The following CCDC59 variants were observed in gnomAD, a reference collection of about 807,000 sequenced individuals.
The protein encoded by CCDC59 is thyroid transcription factor 1-associated protein 26.
A neutral mutation model predicts 30.5 loss-of-function variants in CCDC59; 27 were observed. The ratio of observed to expected loss-of-function variants is 0.89; its 90% confidence interval spans 0.65 to 1.22. The LOEUF (loss-of-function observed/expected upper bound fraction) is 1.22, where lower values mean the gene tolerates loss of function less well. Ranked by LOEUF, CCDC59 falls within the 50% of genes most tolerant of loss-of-function variation. The pLI, the probability that CCDC59 is intolerant of heterozygous loss-of-function variation, is 0.00. For synonymous variants in CCDC59, 125 were observed against 100.9 expected, an observed-to-expected ratio of 1.24 and a Z score of -1.43; for missense variants, 362 against 284.4, an observed-to-expected ratio of 1.27 and a Z score of -1.96.
At chr12:82,355,147 A>G (rs539368379) in intron 2 of CCDC59, 22 of 152,492 alleles carry the variant, frequency 1.4e-4, no homozygotes, top group African/African-American at 5.3e-4. Flanking sequence ...CTACAATATA[A>G]TATTTTAATA....
Position 82,352,319 on chromosome 12 carries a change from A to C in CCDC59, c.*832T>G, listed in dbSNP as rs535002533. 2.6e-5 allele frequency: 4 copies of C among 152,354 alleles called. No individual in the cohort carries two copies. The highest frequency in any genetic ancestry group is 4.1e-4 in the South Asian group (2 of 4,828). The allele number at this position is 152,354 out of a possible 1,614,324, so 9.4% of individuals were successfully genotyped here. ...CAGACTGTATTTGCTATCATTTATA[A>C]AATTTTATTATTCAATATTTGGCAA... On this transcript the variant is annotated 3_prime_UTR_variant, in exon 4 of 4. Transcript: ENST00000256151.
Position 82,357,219 on chromosome 12 carries a change from T to G in CCDC59, c.205A>C (p.Lys69Gln), listed in dbSNP as rs1169401938. 2.5e-6 allele frequency: 4 copies of G among 1,614,120 alleles called. No homozygotes were observed. Among genetic ancestry groups the G allele is most frequent in the Non-Finnish European group, 3.4e-6 (4 of 1,179,992 alleles). Residue 69 changes from lysine to glutamine, a missense_variant, in exon 2 of 4, where the codon AAA (lysine) becomes CAA (glutamine). Physicochemically the swap from Lys to Gln is moderately conservative, Grantham distance 53. Transcript: ENST00000256151. ...GCCTTCTTTTCCTTCCGTAGCAATT[T>G]CTTGTAACTTTGCTGTATTTTCAGT... Reference protein sequence around the residue: ...RKLKIQQSYKKLLRKEKKAQT... With the variant: ...RKLKIQQSYKQLLRKEKKAQT...
chr12:82,354,690 T>C (rs1880951313), intron 2 of CCDC59, 96 bp from the exon 3 acceptor site: 1 of 1,014,780 alleles, frequency 9.9e-7, no homozygotes, highest in Non-Finnish European at 1.3e-6. Flanking sequence ...ATATATTAAA[T>C]AAAAGGCACA....
intron 1 of CCDC59, 39 bp downstream of exon 1, chr12:82,358,183 GC>G: frequency 6.2e-7 from 1 of 1,612,318 alleles, no homozygotes; most frequent in Non-Finnish European, 8.5e-7. Flanking sequence ...CTAAAACTTA[GC>G]AAGCCTGAGG....
chr12:82,352,515 T>C lies in CCDC59; in HGVS notation c.*636A>G, dbSNP rs1173910351. On this transcript the variant is annotated 3_prime_UTR_variant, in exon 4 of 4. Coordinates refer to ENST00000256151, the MANE Select transcript of CCDC59 (RefSeq NM_014167.5). ...TAATGTTCTTAAAGTATAGGGTCCA[T>C]AGGAACTGGAAAGCTTAATTCTTGC... The C allele has an allele frequency of 6.6e-6, 1 of 152,262 alleles. No homozygotes were observed. Among genetic ancestry groups the C allele is most frequent in the African/African-American group, 2.4e-5 (1 of 41,460 alleles). The allele number at this position is 152,262 out of a possible 1,614,324, so 9.4% of individuals were successfully genotyped here. A position where few individuals can be genotyped will look rare whatever the true frequency, so the allele number is the denominator to read the frequency against.
Position 82,354,614 on chromosome 12 carries a change from G to A in CCDC59, c.465-20C>T, listed in dbSNP as rs1217668765. 2 of 1,549,706 alleles carry A rather than the reference G, an allele frequency of 1.3e-6. No homozygotes were observed. The highest frequency in any genetic ancestry group is 2.0e-5 in the Admixed American group (1 of 51,124). ...AAGGAGCTTTTAATTGGGGGATGAG[G>A]AAACAGGACTTTATTAGTAAAATGT... On this transcript the variant is annotated intron_variant, in intron 2 of 3. Transcript: ENST00000256151.
At chr12:82,358,103 T>C in intron 1 of CCDC59, 120 bp downstream of exon 1, 3 of 1,130,232 alleles carry the variant, frequency 2.7e-6, no homozygotes, top group Non-Finnish European at 3.8e-6. Flanking sequence ...CAGGAATGAA[T>C]TCCCTTGCCC....
intron 1 of CCDC59, among the ~76,000 whole-genome samples, chr12:82,357,954 C>T (rs750413860): frequency 6.6e-6 from 1 of 152,194 alleles, no homozygotes. Context: ...TAGACTCTCT[C>T]TGCTCAGTTT....
chr12:82,356,217 C>A (rs1881004917), intron 2 of CCDC59: 1 of 152,040 alleles, frequency 6.6e-6, no homozygotes, highest in African/African-American at 2.4e-5. Context: ...TGTTTTTTAA[C>A]TTTAAGTATG....
At chr12:82,356,037 C>G (rs1050350584) in intron 2 of CCDC59, 3 of 152,084 alleles carry the variant, frequency 2.0e-5, no homozygotes, top group African/African-American at 7.2e-5. Flanking sequence ...AAGTAGTAAA[C>G]TTTTTGTGTC....
chr12:82,355,288 TGTTCCACGGTTTCA>T (rs1195086527), intron 2 of CCDC59: 1 of 152,254 alleles, frequency 6.6e-6, no homozygotes, highest in African/African-American at 2.4e-5. Context: ...ATGGTTTCCC[TGTTCCACGGTTTCA>T]GTTACCTGCA....
chr12:82,358,160 C>G lies in CCDC59; in HGVS notation c.154+63G>C, dbSNP rs142231815. Reference sequence around the variant, plus strand: ...CCTAAATCCTTCTTCCAAGCTTCAGCGAATCTTATATCCTAAAACTTAGCA... The same window carrying G: ...CCTAAATCCTTCTTCCAAGCTTCAGGGAATCTTATATCCTAAAACTTAGCA... On this transcript the variant is annotated intron_variant, in intron 1 of 3. Coordinates refer to ENST00000256151, the MANE Select transcript of CCDC59 (RefSeq NM_014167.5). The G allele has an allele frequency of 4.9e-4, 781 of 1,587,474 alleles. 3 individuals carry two copies. The African/African-American group carries it at 9.5e-3, about 19-fold the overall frequency.
intron 1 of CCDC59, among the ~76,000 whole-genome samples, chr12:82,357,897 CCTCT>C (rs1313415999): frequency 1.3e-5 from 2 of 152,198 alleles, no homozygotes; most frequent in East Asian, 3.9e-4. Flanking sequence ...GCCCTGTCCT[CCTCT>C]CTATCCTTTA....
rs781239166 is a variant in CCDC59, at chr12:82,357,138, G to C, written c.286C>G (p.Leu96Val). 1.2e-6 allele frequency: 2 copies of C among 1,614,026 alleles called. No homozygotes were observed. Among genetic ancestry groups the C allele is most frequent in the African/African-American group, 1.3e-5 (1 of 74,912 alleles). Reference protein sequence around the residue: ...TDRYPDNLKHLYLAEEERHRK... With the variant: ...TDRYPDNLKHVYLAEEERHRK... ...TGTCTTTCCTCTTCAGCTAAATAGA[G>C]ATGTTTCAGATTATCTGGGTATCGA... Residue 96 changes from leucine to valine, a missense_variant, in exon 2 of 4, where the codon CTC (leucine) becomes GTC (valine). Coordinates refer to ENST00000256151, the MANE Select transcript of CCDC59 (RefSeq NM_014167.5).
Position 82,357,000 on chromosome 12 carries a change from C to G in CCDC59, c.424G>C (p.Asp142His), listed in dbSNP as rs971891816. The change falls in exon 2 of 4, where the codon GAC (aspartate) becomes CAC (histidine). Residue 142 changes from aspartate to histidine, a missense_variant. Physicochemically the swap from Asp to His is moderately conservative, Grantham distance 81 (BLOSUM62 -1). Coordinates refer to ENST00000256151, the MANE Select transcript of CCDC59 (RefSeq NM_014167.5). ...EPLFEDQCSF[D>H]QPQPEEQCIK... ...CATTGTTCTTCTGGCTGAGGCTGGT[C>G]AAAGCTACACTGATCTTCAAATAAA... The G allele has an allele frequency of 6.2e-7, 1 of 1,613,492 alleles. No individual in the cohort carries two copies. The highest frequency in any genetic ancestry group is 1.3e-5 in the African/African-American group (1 of 74,930).
In CCDC59 at chr12:82,357,179, T is replaced by TCCAGTGACGTTTGAG; in HGVS notation, c.230_244dup (p.Ala77_Leu81dup). 1.2e-6 allele frequency: 2 copies of TCCAGTGACGTTTGAG among 1,614,110 alleles called. No individual in the cohort carries two copies. On this transcript the variant is annotated inframe_insertion, in exon 2 of 4. Coordinates refer to ENST00000256151, the MANE Select transcript of CCDC59 (RefSeq NM_014167.5). ...TGGGTATCGATCTGTGAATTGAGAT[T>TCCAGTGACGTTTGAG]CCAGTGACGTTTGAGCCTTCTTTTC...
chr12:82,353,023 G>C lies in CCDC59; in HGVS notation c.*128C>G, dbSNP rs973166093. On this transcript the variant is annotated 3_prime_UTR_variant, in exon 4 of 4. Transcript: ENST00000256151. ...ATTTTTTACCATAATAAAAATATGT[G>C]AACATCTTATATTTAGCATAGTTTA... 8.1e-5 allele frequency: 53 copies of C among 652,278 alleles called. No individual in the cohort carries two copies. Among genetic ancestry groups the C allele is most frequent in the Non-Finnish European group, 1.2e-4 (49 of 404,170 alleles). 40.4% of individuals were successfully genotyped at this position (652,278 alleles called of 1,614,324 possible).
chr12:82,356,021 T>C (rs1359401162), intron 2 of CCDC59: 1 of 152,204 alleles, frequency 6.6e-6, no homozygotes, highest in East Asian at 1.9e-4. Context: ...TGATCAAGCC[T>C]ACCAAAAGTA....
Position 82,353,173 on chromosome 12 carries a change from T to C in CCDC59, c.704A>G (p.Gln235Arg), listed in dbSNP as rs1335389549. The part of the protein sequence containing the change: ...NLNVQMEYLL[Q>R]KIQEKC ...TGTTTAACATTTTTCTTGTATTTTT[T>C]GAAGAAGGTACTCCATTTGTACATT... is the stretch of plus-strand genomic sequence containing the variant. The change falls in exon 4 of 4, where the codon CAA becomes CGA. Residue 235 changes from glutamine to arginine, a missense_variant. Transcript: ENST00000256151. 1.6e-5 allele frequency: 25 copies of C among 1,601,354 alleles called. No individual in the cohort carries two copies. Among genetic ancestry groups the C allele is most frequent in the African/African-American group, 2.7e-5 (2 of 73,968 alleles).
Sources: gnomAD v4.1 joint callset for allele counts (sites outside exome capture counted in the v4.1 genomes callset) on GRCh38, gnomAD v4.1.1 for gene constraint, MANE v1.5 for transcripts, NCBI Gene and HGNC (gene_info 2026-07-23, HGNC 2026-07-21) for gene names.